The following DEK variants were observed in gnomAD, a reference collection of about 807,000 sequenced individuals.
DEK encodes the protein DEK proto-oncogene.
Under a neutral mutation model 46.8 loss-of-function variants are expected in DEK, and 28 were observed. That is an observed-to-expected ratio of 0.60 (90% confidence interval 0.44 to 0.82). The LOEUF is 0.82. Ranked by LOEUF, DEK falls within the 40% of genes least tolerant of loss-of-function variation. The probability of loss-of-function intolerance (pLI) is 0.00; values close to 1 mark genes in which losing one functional copy is unlikely to be tolerated. For synonymous variants in DEK, 160 were observed against 144.5 expected, an observed-to-expected ratio of 1.11 and a Z score of -0.77; for missense variants, 416 against 430.6, an observed-to-expected ratio of 0.97 and a Z score of 0.30.
At chr6:18,237,979 C>T (rs1188858099) in intron 7 of DEK, among the ~76,000 whole-genome samples, 1 of 150,932 alleles carries the variant, frequency 6.6e-6, no homozygotes, top group Non-Finnish European at 1.5e-5. Flanking sequence ...GCGAATTCTC[C>T]TGTCTCTGCC....
intron 7 of DEK, chr6:18,244,530 C>A: frequency 7.8e-7 from 1 of 1,288,950 alleles, no homozygotes; most frequent in Non-Finnish European, 1.0e-6. Context: ...GGCAGCAGGG[C>A]TCTTGAAGGA....
intron 4 of DEK, 118 bp from the exon 5 acceptor site, chr6:18,256,573 C>T: frequency 6.9e-6 from 5 of 726,128 alleles, no homozygotes; most frequent in Non-Finnish European, 6.6e-6. Flanking sequence ...AGTTACAATA[C>T]TGGCTGAACA....
intron 7 of DEK, chr6:18,244,398 G>A (rs1439901135): frequency 2.6e-5 from 12 of 468,250 alleles, no homozygotes; most frequent in East Asian, 7.3e-5. Context: ...TTTCAAAAAC[G>A]TGAAGGGGAT....
At chr6:18,258,198 A>G (rs1791685241) in intron 3 of DEK, 106 bp downstream of exon 3, 8 of 1,141,588 alleles carry the variant, frequency 7.0e-6, no homozygotes, top group Admixed American at 2.4e-5. Context: ...ATAAAATTAT[A>G]CCAAAAGTAT....
chr6:18,249,817 G>T lies in DEK; in HGVS notation c.596C>A (p.Thr199Asn). ...SGKPLPKSKK[T>N]CSKGSKKERN... ...TTCCTTTTTACTGCCTTTGCTACAA[G>T]TTTTTTTAGATTTCGGCAATGGCTG... The change falls in exon 7 of 11, where the codon ACT becomes AAT. Residue 199 changes from threonine to asparagine, a missense_variant. Coordinates refer to ENST00000652689, the MANE Select transcript of DEK (RefSeq NM_003472.4). 2 of 1,596,340 alleles carry T rather than the reference G, an allele frequency of 1.3e-6. No individual in the cohort carries two copies. Among genetic ancestry groups the T allele is most frequent in the African/African-American group, 1.4e-5 (1 of 73,638 alleles).
In DEK at chr6:18,263,951, T is replaced by C. The variant is rs1791992140; in HGVS notation, c.37A>G (p.Thr13Ala). 1.2e-6 allele frequency: 2 copies of C among 1,612,536 alleles called. No homozygotes were observed. The highest frequency in any genetic ancestry group is 2.7e-5 in the African/African-American group (2 of 74,740). ...ASAPAAEGEGTPTQPASEKEP... is the reference protein window; with the variant it reads ...ASAPAAEGEGAPTQPASEKEP... ...TTCTCGGACGCGGGCTGGGTGGGGG[T>C]TCCCTCCCCCTCCGCAGCAGGGGCC... The change falls in exon 2 of 11, where the codon ACC becomes GCC. Residue 13 changes from threonine to alanine, a missense_variant. Physicochemically the swap from Thr to Ala is moderately conservative, Grantham distance 58. Coordinates refer to ENST00000652689, the MANE Select transcript of DEK (RefSeq NM_003472.4).
intron 9 of DEK, among the ~76,000 whole-genome samples, chr6:18,233,928 CAA>C (rs1388920381): frequency 2.6e-5 from 4 of 152,112 alleles, no homozygotes; most frequent in Non-Finnish European, 5.9e-5. Flanking sequence ...TTCACAATAG[CAA>C]AGACTTGGAA....
chr6:18,262,851 T>A (rs1279394726), intron 2 of DEK, among the ~76,000 whole-genome samples: 1 of 152,206 alleles, frequency 6.6e-6, no homozygotes, highest in African/African-American at 2.4e-5. Context: ...ATGCCCTTCT[T>A]AGGGCACATA....
chr6:18,229,984 T>C (rs1446375275), intron 9 of DEK, among the ~76,000 whole-genome samples: 3 of 152,134 alleles, frequency 2.0e-5, no homozygotes, highest in Non-Finnish European at 4.4e-5. Context: ...GAGAGAAAGG[T>C]CGGGTTACCC....
chr6:18,224,873 T>C lies in DEK; in HGVS notation c.*846A>G, dbSNP rs907150353. ...TAGGTTGATTTTTGGTCTGTCCTTA[T>C]ATAATATAAAACGTACCTACAGACA... On this transcript the variant is annotated 3_prime_UTR_variant, in exon 11 of 11. Transcript: ENST00000652689. 2 of 211,136 alleles carry C rather than the reference T, an allele frequency of 9.5e-6. No individual in the cohort carries two copies. The highest frequency in any genetic ancestry group is 2.3e-5 in the African/African-American group (1 of 44,072). 13.1% of individuals were successfully genotyped at this position (211,136 alleles called of 1,614,324 possible). A position where few individuals can be genotyped will look rare whatever the true frequency, so the allele number is the denominator to read the frequency against.
intron 7 of DEK, 94 bp downstream of exon 7, chr6:18,249,557 A>G (rs957960243): frequency 1.4e-6 from 2 of 1,404,730 alleles, no homozygotes; most frequent in African/African-American, 3.0e-5. Flanking sequence ...AAAAACAACC[A>G]ATAAGGAAGT....
At chr6:18,227,008 C>G (rs1424898695) in intron 9 of DEK, among the ~76,000 whole-genome samples, 3 of 152,206 alleles carry the variant, frequency 2.0e-5, no homozygotes, top group Admixed American at 6.5e-5. Context: ...TCCCTAATCT[C>G]AAGTACCCAG....
chr6:18,258,031 C>T lies in DEK; in HGVS notation c.279G>A (p.Arg93=). 1 of 1,609,970 alleles carries T rather than the reference C, an allele frequency of 6.2e-7. No homozygotes were observed. The highest frequency in any genetic ancestry group is 8.5e-7 in the Non-Finnish European group (1 of 1,178,712). Residue 93 remains arginine, a synonymous_variant, in exon 4 of 11, where the codon AGG becomes AGA. Coordinates refer to ENST00000652689, the MANE Select transcript of DEK (RefSeq NM_003472.4). ...TCTTCTTACTTAGAAAAAAATGTAT[C>T]CTCTCAATTTCACAAAGTTTCTGCC... The part of the protein sequence containing the change: ...GKGQKLCEIE[R]IHFFLSKKKT...
At chr6:18,249,188 A>C (rs528950275) in intron 7 of DEK, among the ~76,000 whole-genome samples, 1 of 152,354 alleles carries the variant, frequency 6.6e-6, no homozygotes, top group East Asian at 1.9e-4. Context: ...TAAACTTCAA[A>C]TGCTGTTTAT....
intron 7 of DEK, among the ~76,000 whole-genome samples, chr6:18,247,860 C>G (rs1451608533): frequency 2.0e-5 from 3 of 151,980 alleles, no homozygotes; most frequent in African/African-American, 4.8e-5. Flanking sequence ...TTAGTAGAGG[C>G]AGGGTTTCAC....
At chr6:18,252,371 T>C (rs1246026749) in intron 6 of DEK, among the ~76,000 whole-genome samples, 1 of 151,686 alleles carries the variant, frequency 6.6e-6, no homozygotes, top group East Asian at 1.9e-4. Flanking sequence ...TAGCCACACA[T>C]GGTAGCATAC....
chr6:18,256,166 T>A (rs1438050020), intron 5 of DEK, among the ~76,000 whole-genome samples, 195 bp downstream of exon 5: 1 of 151,946 alleles, frequency 6.6e-6, no homozygotes, highest in African/African-American at 2.4e-5. Flanking sequence ...TTTGTATCTT[T>A]AGTGGAGACG....
chr6:18,224,582 C>G lies in DEK; in HGVS notation c.*1137G>C, dbSNP rs1291489708. ...ACCAAACTCTGAAAGCCAAGAGCCC[C>G]AACTCCAGAGAAACATTAAATTTCT... On this transcript the variant is annotated 3_prime_UTR_variant, in exon 11 of 11. Transcript: ENST00000652689. 3.9e-5 allele frequency: 8 copies of G among 202,660 alleles called. No homozygotes were observed. In the East Asian group the frequency reaches 6.1e-4, roughly 15 times the overall value. 12.6% of individuals were successfully genotyped at this position (202,660 alleles called of 1,614,324 possible).
At position 18,264,078 on chromosome 6, in the gene DEK, C is replaced by T. The variant is rs1405041954; in HGVS notation, c.-9-82G>A. ...GGGCGGCCACCCTGAATGATGCTAC[C>T]CTTCCCGCGGGACACCTGCCCTGAA... On this transcript the variant is annotated intron_variant, in intron 1 of 10. Transcript: ENST00000652689. The T allele has an allele frequency of 4.6e-6, 6 of 1,307,058 alleles. No individual in the cohort carries two copies. The African/African-American group carries it at 6.0e-5, about 13-fold the overall frequency. 81.0% of individuals were successfully genotyped at this position (1,307,058 alleles called of 1,614,324 possible). A position where few individuals can be genotyped will look rare whatever the true frequency, so the allele number is the denominator to read the frequency against.
Sources: allele counts gnomAD v4.1 joint callset (sites outside exome capture counted in the v4.1 genomes callset), GRCh38; gene constraint gnomAD v4.1.1; transcripts MANE v1.5; gene names NCBI Gene and HGNC (gene_info 2026-07-23, HGNC 2026-07-21).